Variants in PRMT3 observed in about 807,000 individuals in gnomAD.
The protein encoded by PRMT3 is protein arginine methyltransferase 3.
Under a neutral mutation model 71.9 loss-of-function variants are expected in PRMT3, and 62 were observed. That is an observed-to-expected ratio of 0.86 (90% CI 0.70 to 1.07). The LOEUF is 1.07. PRMT3 is among the 50% of genes least tolerant of loss of function. The pLI is 0.00. For missense variants in PRMT3, 663 were observed against 643.0 expected, an observed-to-expected ratio of 1.03 and a Z score of -0.34; for synonymous variants, 213 against 220.4, an observed-to-expected ratio of 0.97 and a Z score of 0.30.
intron 8 of PRMT3, chr11:20,406,493 C>T (rs1849073967): frequency 6.6e-6 from 1 of 152,164 alleles, no homozygotes; most frequent in South Asian, 2.1e-4. Flanking sequence ...ATTTTTAAGG[C>T]TCAATAATCC....
rs754415345 is a variant in PRMT3 at position 20,464,380 on chromosome 11, G to A, written c.1261-80G>A. 7.2e-5 allele frequency: 106 copies of A among 1,471,052 alleles called. 1 individual carries two copies. The Middle Eastern group carries it at 8.3e-4, about 11-fold the overall frequency. The allele number at this position is 1,471,052 out of a possible 1,614,324, so 91.1% of individuals were successfully genotyped here. ...CATAAAAGAAGTAATGTTTGTCTGG[G>A]TTGTTTTTGTTTTATTTTTTGTTTT... On this transcript the variant is annotated intron_variant, in intron 12 of 15. Transcript: ENST00000331079.
At chr11:20,462,245 ATT>A in intron 12 of PRMT3, 78 bp downstream of exon 12, 4 of 1,161,520 alleles carry the variant, frequency 3.4e-6, no homozygotes, top group Non-Finnish European at 4.9e-6. Context: ...TAATATATTG[ATT>A]TTATATATGG....
intron 13 of PRMT3, among the ~76,000 whole-genome samples, chr11:20,471,561 A>G (rs1178118315): frequency 2.0e-5 from 3 of 152,088 alleles, no homozygotes; most frequent in East Asian, 1.9e-4. Context: ...ATTCCGTTCC[A>G]TTGGTCTATG....
chr11:20,403,798 A>G (rs1849002658), intron 8 of PRMT3, among the ~76,000 whole-genome samples: 1 of 152,178 alleles, frequency 6.6e-6, no homozygotes, highest in Admixed American at 6.5e-5. Context: ...GAGAACATGT[A>G]TATTGATAAT....
chr11:20,410,015 C>T (rs973807876), intron 9 of PRMT3, among the ~76,000 whole-genome samples: 4 of 151,924 alleles, frequency 2.6e-5, no homozygotes, highest in Admixed American at 1.3e-4. Flanking sequence ...TTGTTTTTTA[C>T]GATAAAATGG....
intron 11 of PRMT3, among the ~76,000 whole-genome samples, 166 bp from the exon 12 acceptor site, chr11:20,461,814 G>T (rs776517102): frequency 2.6e-5 from 4 of 152,008 alleles, no homozygotes; most frequent in African/African-American, 4.8e-5. Context: ...TTTAAAAGAG[G>T]CTACAAGATG....
chr11:20,445,259 TG>T (rs1164314577), intron 10 of PRMT3, among the ~76,000 whole-genome samples: 4 of 152,146 alleles, frequency 2.6e-5, no homozygotes, highest in African/African-American at 9.6e-5. Flanking sequence ...TTTGCCTTTT[TG>T]TTTTCTTTTT....
chr11:20,421,928 A>G (rs796654605), intron 9 of PRMT3, among the ~76,000 whole-genome samples: 6 of 152,274 alleles, frequency 3.9e-5, no homozygotes, highest in African/African-American at 1.4e-4. Context: ...ATTAAATTCT[A>G]TTGTTATCAT....
intron 8 of PRMT3, among the ~76,000 whole-genome samples, chr11:20,404,598 C>T (rs1849032350): frequency 6.6e-6 from 1 of 152,158 alleles, no homozygotes; most frequent in South Asian, 2.1e-4. Flanking sequence ...AAAAACCACT[C>T]TGTTTCCAGT....
chr11:20,415,804 G>A (rs1408440552), intron 9 of PRMT3, among the ~76,000 whole-genome samples: 1 of 152,140 alleles, frequency 6.6e-6, no homozygotes, highest in Admixed American at 6.6e-5. Flanking sequence ...GTAAAATAGA[G>A]TAACATTATT....
chr11:20,422,796 C>T (rs1264326876), intron 9 of PRMT3, among the ~76,000 whole-genome samples: 4 of 152,154 alleles, frequency 2.6e-5, no homozygotes, highest in East Asian at 1.9e-4. Context: ...CCTAATTACC[C>T]GATATTACCA....
At position 20,451,493 on chromosome 11, in the gene PRMT3, T is replaced by TG. The variant is rs1387383565; in HGVS notation, c.994-636dup. Among the ~76,000 whole-genome samples, 5 of 151,316 alleles carry TG rather than the reference T, an allele frequency of 3.3e-5. No homozygotes were observed. The South Asian group carries it at 1.0e-3, about 31-fold the overall frequency. ...CTAAGGATCCCTCCACTTTCTTTTT[T>TG]GTTTTTTTTTTTAATACCAAAAAGA... On this transcript the variant is annotated intron_variant, in intron 10 of 15. Transcript: ENST00000331079.
At chr11:20,422,019 G>A (rs990322023) in intron 9 of PRMT3, among the ~76,000 whole-genome samples, 3 of 152,084 alleles carry the variant, frequency 2.0e-5, no homozygotes, top group East Asian at 3.8e-4. Context: ...GGGGAAGAGA[G>A]TATGGCAGTT....
intron 13 of PRMT3, among the ~76,000 whole-genome samples, chr11:20,493,006 G>A (rs913069846): frequency 2.0e-5 from 3 of 152,134 alleles, no homozygotes; most frequent in Non-Finnish European, 2.9e-5. Context: ...TAAAAGCCAG[G>A]TGTGGTGGCG....
intron 2 of PRMT3, among the ~76,000 whole-genome samples, chr11:20,388,365 CT>C (rs1420638216): frequency 2.6e-5 from 4 of 152,226 alleles, no homozygotes; most frequent in Admixed American, 2.0e-4. Flanking sequence ...GTACTGCAAG[CT>C]TTTGACTGGT....
At chr11:20,416,579 A>G (rs1010952851) in intron 9 of PRMT3, among the ~76,000 whole-genome samples, 4 of 152,188 alleles carry the variant, frequency 2.6e-5, no homozygotes, top group Non-Finnish European at 5.9e-5. Context: ...ACATATTCAA[A>G]GCCAGGTAAA....
At chr11:20,493,521 G>T (rs949441128) in intron 13 of PRMT3, among the ~76,000 whole-genome samples, 1 of 152,206 alleles carries the variant, frequency 6.6e-6, no homozygotes, top group Admixed American at 6.5e-5. Flanking sequence ...TCATGCCGCT[G>T]CAGTTGTCTG....
chr11:20,495,823 C>A (rs1289558324), intron 15 of PRMT3, among the ~76,000 whole-genome samples: 7 of 152,114 alleles, frequency 4.6e-5, no homozygotes, highest in Non-Finnish European at 2.9e-5. Flanking sequence ...TAACAAGCTG[C>A]AGTGAAAAAA....
At position 20,462,129 on chromosome 11, in the gene PRMT3, G is replaced by A. The variant is rs762720843; in HGVS notation, c.1222G>A (p.Asp408Asn). ...VIPEAVVEVL[D>N]PKTLISEPCG... is the part of the protein sequence containing the mutation. The stretch of plus-strand genomic sequence containing the variant: ...TCCAGAAGCTGTTGTGGAAGTTTTA[G>A]ATCCGAAGACTCTTATTTCAGAACC... Residue 408 changes from aspartate to asparagine, a missense_variant, in exon 12 of 16, where the codon GAT becomes AAT. Coordinates refer to ENST00000331079, the MANE Select transcript of PRMT3 (RefSeq NM_005788.4). The A allele has an allele frequency of 6.2e-7, 1 of 1,612,338 alleles. No homozygotes were observed. Among genetic ancestry groups the A allele is most frequent in the Non-Finnish European group, 8.5e-7 (1 of 1,178,800 alleles).
Sources: allele counts gnomAD v4.1 joint callset (sites outside exome capture counted in the v4.1 genomes callset), GRCh38; gene constraint gnomAD v4.1.1; transcripts MANE v1.5; gene names NCBI Gene and HGNC (gene_info 2026-07-23, HGNC 2026-07-21).